The following UBE2K variants were observed in gnomAD, a reference collection of about 807,000 sequenced individuals.
UBE2K encodes the protein ubiquitin conjugating enzyme E2 K.
UBE2K carries 6 observed loss-of-function variants against 30.0 expected under a neutral mutation model. The observed-to-expected ratio is 0.20, with a 90% CI of 0.11 to 0.39. The LOEUF is 0.39. UBE2K is among the 10% of genes least tolerant of loss of function. The pLI is 1.00. For missense variants in UBE2K, 61 were observed against 241.6 expected, an observed-to-expected ratio of 0.25 and a Z score of 4.96; for synonymous variants, 86 against 83.7, an observed-to-expected ratio of 1.03 and a Z score of -0.15.
At chr4:39,767,299 GT>G (rs71194918) in intron 4 of UBE2K, among the ~76,000 whole-genome samples, 33 of 139,750 alleles carry the variant, frequency 2.4e-4, no homozygotes, top group South Asian at 8.9e-4. Flanking sequence ...CTTTTTTTCT[GT>G]TTTTTTTTTT....
chr4:39,760,304 A>G (rs949558111), intron 4 of UBE2K, among the ~76,000 whole-genome samples: 2 of 151,796 alleles, frequency 1.3e-5, no homozygotes, highest in Middle Eastern at 3.2e-3. Context: ...TCCTAGGTAT[A>G]TATCTAAAAG....
chr4:39,720,275 G>A (rs1578433561), intron 1 of UBE2K, among the ~76,000 whole-genome samples: 1 of 151,876 alleles, frequency 6.6e-6, no homozygotes, highest in East Asian at 1.9e-4. Context: ...TTAGGATGAT[G>A]GAATGTCCAA....
rs1231794273 is a variant in UBE2K, at chr4:39,714,547, TATA to T, written c.63+16158_63+16160del. 12 of 40,574 alleles carry T rather than the reference TATA, an allele frequency of 3.0e-4. 1 individual carries two copies. Among genetic ancestry groups the T allele is most frequent in the Middle Eastern group, 8.5e-3 (1 of 118 alleles). 2.5% of individuals were successfully genotyped at this position (40,574 alleles called of 1,614,324 possible). A position where few individuals can be genotyped will look rare whatever the true frequency, so the allele number is the denominator to read the frequency against. ...ATATATATATATATATATATATATA[TATA>T]TTTTTTTTTTTTTTTAAGACTGAGT... On this transcript the variant is annotated intron_variant, in intron 1 of 6. Transcript: ENST00000261427.
Position 39,714,548 on chromosome 4 carries a change from A to ATTTTTTTTTTTT in UBE2K, c.63+16159_63+16160insTTTTTTTTTTTT, listed in dbSNP as rs1168820129. On this transcript the variant is annotated intron_variant, in intron 1 of 6. Transcript: ENST00000261427. ...TATATATATATATATATATATATAT[A>ATTTTTTTTTTTT]TATTTTTTTTTTTTTTTAAGACTGA... 38 of 24,674 alleles carry ATTTTTTTTTTTT rather than the reference A, an allele frequency of 1.5e-3. 1 individual carries two copies. Among genetic ancestry groups the ATTTTTTTTTTTT allele is most frequent in the East Asian group, 1.0e-2 (4 of 402 alleles). The allele number at this position is 24,674 out of a possible 1,614,324, so 1.5% of individuals were successfully genotyped here. A position where few individuals can be genotyped will look rare whatever the true frequency, so the allele number is the denominator to read the frequency against.
chr4:39,718,270 T>C (rs964554581), intron 1 of UBE2K, among the ~76,000 whole-genome samples: 3 of 152,292 alleles, frequency 2.0e-5, no homozygotes, highest in Non-Finnish European at 4.4e-5. Flanking sequence ...TTCTCTAGAT[T>C]AGCTAGATAC....
intron 4 of UBE2K, among the ~76,000 whole-genome samples, chr4:39,772,752 A>AT (rs1712985590): frequency 6.7e-6 from 1 of 149,576 alleles, no homozygotes; most frequent in Non-Finnish European, 1.5e-5. Flanking sequence ...CAATGGCATG[A>AT]TTTTGGCTCA....
intron 1 of UBE2K, among the ~76,000 whole-genome samples, chr4:39,733,051 GAAAAAAAAAAAAA>G (rs59978380): frequency 2.1e-5 from 2 of 97,062 alleles, no homozygotes; most frequent in South Asian, 3.9e-4. Flanking sequence ...GGAACATCAG[GAAAAAAAAAAAAA>G]AAAAAAAAAA....
intron 4 of UBE2K, 120 bp downstream of exon 4, chr4:39,755,859 TAA>T: frequency 1.7e-6 from 1 of 582,094 alleles, no homozygotes; most frequent in Non-Finnish European, 2.6e-6. Context: ...GCAGTAACTT[TAA>T]AAGTCTCTTA....
chr4:39,778,128 A>G (rs934945943), intron 6 of UBE2K, among the ~76,000 whole-genome samples: 1 of 151,330 alleles, frequency 6.6e-6, no homozygotes, highest in Non-Finnish European at 1.5e-5. Flanking sequence ...AAAAAAGGAA[A>G]ATAAGAGAAA....
At chr4:39,749,578 C>CTAAG (rs1248454148) in intron 3 of UBE2K, among the ~76,000 whole-genome samples, 4 of 152,006 alleles carry the variant, frequency 2.6e-5, no homozygotes, top group African/African-American at 9.7e-5. Context: ...ACTCAGGAGG[C>CTAAG]TAAGGCACAA....
rs35733561 is a variant in UBE2K, at chr4:39,757,000, G to GTTTT, written c.299+1268_299+1271dup. ...ATTTTTAAGCTATGTTTTTTTGGGT[G>GTTTT]TTTTTTTTTTGTTTTTTGTTTTTTG... On this transcript the variant is annotated intron_variant, in intron 4 of 6. Coordinates refer to ENST00000261427, the MANE Select transcript of UBE2K (RefSeq NM_005339.5). 2.1e-5 allele frequency among the ~76,000 whole-genome samples: 2 copies of GTTTT among 94,332 alleles called. 1 individual carries two copies. 61.9% of individuals were successfully genotyped at this position (94,332 alleles called of 152,430 possible).
chr4:39,716,973 G>A (rs1420262084), intron 1 of UBE2K, among the ~76,000 whole-genome samples: 1 of 148,662 alleles, frequency 6.7e-6, no homozygotes, highest in Non-Finnish European at 1.5e-5. Context: ...ACTCCAGCCT[G>A]GGTGGCAGGG....
At chr4:39,723,884 C>T (rs1196591816) in intron 1 of UBE2K, among the ~76,000 whole-genome samples, 1 of 152,128 alleles carries the variant, frequency 6.6e-6, no homozygotes, top group African/African-American at 2.4e-5. Flanking sequence ...ACAATCGCGG[C>T]TTATTGCTAC....
chr4:39,765,072 A>T (rs1051175906), intron 4 of UBE2K, among the ~76,000 whole-genome samples: 8 of 152,004 alleles, frequency 5.3e-5, no homozygotes, highest in African/African-American at 1.9e-4. Flanking sequence ...TTTTTAGTAG[A>T]GATAGGGTTT....
intron 1 of UBE2K, among the ~76,000 whole-genome samples, chr4:39,728,941 A>C (rs1578445213): frequency 6.8e-6 from 1 of 146,788 alleles, no homozygotes; most frequent in Admixed American, 6.9e-5. Flanking sequence ...TGCTGGGATT[A>C]CAGGCGTGAG....
At chr4:39,767,482 C>T (rs1420082659) in intron 4 of UBE2K, among the ~76,000 whole-genome samples, 1 of 151,966 alleles carries the variant, frequency 6.6e-6, no homozygotes. Flanking sequence ...TGCCACCACG[C>T]CCGGCTAATT....
intron 2 of UBE2K, among the ~76,000 whole-genome samples, chr4:39,744,182 G>A (rs894725337): frequency 6.6e-6 from 1 of 150,956 alleles, no homozygotes; most frequent in Non-Finnish European, 1.5e-5. Flanking sequence ...TTAAGAGGCA[G>A]TTATCCTTTC....
At chr4:39,711,040 G>GT (rs1366377322) in intron 1 of UBE2K, among the ~76,000 whole-genome samples, 5 of 135,028 alleles carry the variant, frequency 3.7e-5, no homozygotes, top group Admixed American at 7.2e-5. Flanking sequence ...TCATATTTTT[G>GT]TTTTTACTGT....
intron 2 of UBE2K, among the ~76,000 whole-genome samples, chr4:39,742,100 A>G (rs931078119): frequency 1.2e-4 from 18 of 152,216 alleles, no homozygotes; most frequent in Middle Eastern, 3.4e-3. Flanking sequence ...GGGCCCTCAC[A>G]CTGCTCCTAA....
Sources: allele counts gnomAD v4.1 joint callset (sites outside exome capture counted in the v4.1 genomes callset), GRCh38; gene constraint gnomAD v4.1.1; transcripts MANE v1.5; gene names NCBI Gene and HGNC (gene_info 2026-07-23, HGNC 2026-07-21).